The following SGCZ variants were observed in gnomAD, a reference collection of about 807,000 sequenced individuals.
The protein encoded by SGCZ is sarcoglycan zeta, also known as zeta-sarcoglycan.
Under a neutral mutation model 41.3 loss-of-function variants are expected in SGCZ, and 40 were observed. The observed-to-expected ratio is 0.97, with a 90% CI of 0.75 to 1.26. The LOEUF (loss-of-function observed/expected upper bound fraction) is 1.26, where lower values mean the gene tolerates loss of function less well. Among genes scored for constraint, SGCZ ranks in the 50% most tolerant of loss-of-function variants. The probability of loss-of-function intolerance (pLI) is 0.00; values close to 1 mark genes in which losing one functional copy is unlikely to be tolerated. For missense variants in SGCZ, 552 were observed against 369.8 expected (o/e 1.49, Z -4.04); for synonymous variants, 206 against 137.5 (o/e 1.50, Z -3.49).
At chr8:14,678,395 C>G (rs184836163) in intron 1 of SGCZ, among the ~76,000 whole-genome samples, 1 of 152,242 alleles carries the variant, frequency 6.6e-6, no homozygotes, top group African/African-American at 2.4e-5. Context: ...AGACACTTCA[C>G]CAAAGAAGAT....
intron 1 of SGCZ, among the ~76,000 whole-genome samples, chr8:14,677,774 A>G (rs1355823078): frequency 6.6e-6 from 1 of 152,158 alleles, no homozygotes; most frequent in Non-Finnish European, 1.5e-5. Context: ...CCGTCTAAAT[A>G]AATAAATACA....
chr8:14,782,642 G>C (rs1290024071), intron 1 of SGCZ, among the ~76,000 whole-genome samples: 1 of 148,426 alleles, frequency 6.7e-6, no homozygotes, highest in African/African-American at 2.4e-5. Flanking sequence ...CTCAGATTGA[G>C]GGAAGATAAG....
At chr8:14,843,461 G>C (rs1802995116) in intron 1 of SGCZ, among the ~76,000 whole-genome samples, 1 of 152,036 alleles carries the variant, frequency 6.6e-6, no homozygotes, top group Non-Finnish European at 1.5e-5. Context: ...AGAATGTCTG[G>C]AATCTTGTTA....
chr8:14,747,089 G>T (rs1413345448), intron 1 of SGCZ, among the ~76,000 whole-genome samples: 3 of 152,074 alleles, frequency 2.0e-5, no homozygotes, highest in Admixed American at 2.0e-4. Flanking sequence ...TTCAATTGGG[G>T]TAAGATTGTA....
intron 2 of SGCZ, among the ~76,000 whole-genome samples, chr8:14,429,878 T>C (rs1049227177): frequency 3.9e-5 from 6 of 152,236 alleles, no homozygotes; most frequent in African/African-American, 1.4e-4. Context: ...CTTCCTGATA[T>C]AAGCTAGGAA....
intron 4 of SGCZ, among the ~76,000 whole-genome samples, chr8:14,184,478 A>C (rs2117031061): frequency 6.6e-6 from 1 of 152,292 alleles, no homozygotes; most frequent in African/African-American, 2.4e-5. Flanking sequence ...AGGCTAAATG[A>C]TAAATGTATT....
chr8:15,017,506 C>G (rs1000900235), intron 1 of SGCZ, among the ~76,000 whole-genome samples: 1 of 152,062 alleles, frequency 6.6e-6, no homozygotes, highest in African/African-American at 2.4e-5. Flanking sequence ...ATTAGCATCA[C>G]ATTATTTTTT....
At chr8:15,027,835 A>T (rs574992935) in intron 1 of SGCZ, among the ~76,000 whole-genome samples, 1 of 152,094 alleles carries the variant, frequency 6.6e-6, no homozygotes, top group Non-Finnish European at 1.5e-5. Context: ...TGTAAGATAT[A>T]TTTATAGTGT....
At chr8:14,670,116 A>G (rs1002393793) in intron 1 of SGCZ, among the ~76,000 whole-genome samples, 26 of 152,316 alleles carry the variant, frequency 1.7e-4, no homozygotes, top group African/African-American at 5.5e-4. Flanking sequence ...TGTTTTTGAC[A>G]GTTTTATTAA....
At chr8:14,278,346 T>C (rs1248173643) in intron 3 of SGCZ, among the ~76,000 whole-genome samples, 1 of 152,168 alleles carries the variant, frequency 6.6e-6, no homozygotes, top group Non-Finnish European at 1.5e-5. Flanking sequence ...ATATAACATT[T>C]GTTATTTTCA....
At chr8:14,340,960 C>G (rs1019130472) in intron 2 of SGCZ, among the ~76,000 whole-genome samples, 1 of 152,102 alleles carries the variant, frequency 6.6e-6, no homozygotes, top group Non-Finnish European at 1.5e-5. Flanking sequence ...CTCCCCCAGC[C>G]CCTGGTAACT....
At chr8:15,205,994 C>T (rs1021623255) in intron 1 of SGCZ, among the ~76,000 whole-genome samples, 3 of 151,956 alleles carry the variant, frequency 2.0e-5, no homozygotes, top group African/African-American at 4.8e-5. Context: ...AATGGAAAAC[C>T]AAATATTGCA....
intron 1 of SGCZ, among the ~76,000 whole-genome samples, chr8:15,002,214 G>C (rs570174407): frequency 3.7e-5 from 5 of 134,716 alleles, no homozygotes; most frequent in Admixed American, 1.5e-4. Context: ...AAAAAAAAAA[G>C]CCATCAATAA....
Position 14,336,595 on chromosome 8 carries a change from G to C in SGCZ, c.235-12391C>G, listed in dbSNP as rs533519818. 3.9e-5 allele frequency among the ~76,000 whole-genome samples: 6 copies of C among 152,206 alleles called. No homozygotes were observed. The South Asian group carries it at 1.2e-3, about 32-fold the overall frequency. On this transcript the variant is annotated intron_variant, in intron 2 of 7. Coordinates refer to ENST00000382080, the MANE Select transcript of SGCZ (RefSeq NM_139167.4). The stretch of plus-strand genomic sequence containing the variant: ...TTCTCTTTTCTTTGCAACTTCGCCA[G>C]TATCTGTTATGTTATGACTTTTTAA...
Position 14,992,861 on chromosome 8 carries a change from T to C in SGCZ, c.39+244724A>G, listed in dbSNP as rs139735388. On this transcript the variant is annotated intron_variant, in intron 1 of 7. Transcript: ENST00000382080. ...ATTCAATCTACTCTCAAAACCAGTG[T>C]TCCCCTCAATATTTACCTCTCGCCC... is the stretch of plus-strand genomic sequence containing the variant. Among the ~76,000 whole-genome samples the C allele has an allele frequency of 6.7e-3, 933 of 138,774 alleles. 24 individuals carry two copies. The highest frequency in any genetic ancestry group is 0.039 in the South Asian group (154 of 3,938). 91.0% of individuals were successfully genotyped at this position (138,774 alleles called of 152,430 possible).
At chr8:14,857,480 GACTAGTATTAAA>G (rs1287151250) in intron 1 of SGCZ, among the ~76,000 whole-genome samples, 2 of 152,084 alleles carry the variant, frequency 1.3e-5, no homozygotes, top group African/African-American at 4.8e-5. Context: ...ATTTTTACAA[GACTAGTATTAAA>G]ACTATTATTT....
At chr8:14,595,822 T>C (rs1392049061) in intron 1 of SGCZ, among the ~76,000 whole-genome samples, 1 of 152,180 alleles carries the variant, frequency 6.6e-6, no homozygotes, top group Non-Finnish European at 1.5e-5. Context: ...GTTCTGACAA[T>C]TGTCGCATTT....
chr8:14,848,017 G>A (rs955774324), intron 1 of SGCZ, among the ~76,000 whole-genome samples: 1 of 151,756 alleles, frequency 6.6e-6, no homozygotes, highest in Non-Finnish European at 1.5e-5. Flanking sequence ...AGAAGTTACT[G>A]GAAATAATAA....
intron 1 of SGCZ, among the ~76,000 whole-genome samples, chr8:14,922,101 G>C (rs1263899372): frequency 6.6e-6 from 1 of 152,028 alleles, no homozygotes; most frequent in Non-Finnish European, 1.5e-5. Context: ...CCCTGCTTTA[G>C]CTGCTTGATT....
Sources: gnomAD v4.1 joint callset for allele counts (sites outside exome capture counted in the v4.1 genomes callset) on GRCh38, gnomAD v4.1.1 for gene constraint, MANE v1.5 for transcripts, NCBI Gene and HGNC (gene_info 2026-07-23, HGNC 2026-07-21) for gene names.